The following DNAAF9 variants were observed in gnomAD, a reference collection of about 807,000 sequenced individuals.
The protein encoded by DNAAF9 is dynein axonemal assembly factor 9.
A neutral mutation model predicts 167.0 loss-of-function variants in DNAAF9; 90 were observed. The ratio of observed to expected loss-of-function variants is 0.54; its 90% CI spans 0.45 to 0.64. The LOEUF (loss-of-function observed/expected upper bound fraction) is 0.64. DNAAF9 is among the 30% of genes least tolerant of loss of function. The pLI is 0.00. For missense variants in DNAAF9, 1,315 were observed against 1,442.2 expected (o/e 0.91, Z 1.43); for synonymous variants, 491 against 508.8 (o/e 0.96, Z 0.47).
intron 16 of DNAAF9, 145 bp downstream of exon 16, chr20:3,322,071 GC>G (rs1041148002): frequency 7.8e-6 from 5 of 637,982 alleles, no homozygotes; most frequent in African/African-American, 1.8e-5. Flanking sequence ...GCTCACCCCT[GC>G]TATGGCTGGG....
intron 14 of DNAAF9, among the ~76,000 whole-genome samples, chr20:3,323,906 T>A (rs2069664868): frequency 6.6e-6 from 1 of 152,194 alleles, no homozygotes; most frequent in Non-Finnish European, 1.5e-5. Flanking sequence ...ATACAGACAG[T>A]TCCTATCTTG....
chr20:3,296,223 C>T (rs1280499976), intron 23 of DNAAF9: 5 of 515,136 alleles, frequency 9.7e-6, no homozygotes, highest in African/African-American at 1.9e-5. Context: ...GAGCCAGGAC[C>T]GCACCACTGC....
Position 3,316,722 on chromosome 20 carries a change from C to T in DNAAF9, c.1539+1G>A. 2 of 1,611,458 alleles carry T rather than the reference C, an allele frequency of 1.2e-6. No individual in the cohort carries two copies. The highest frequency in any genetic ancestry group is 2.7e-5 in the African/African-American group (2 of 74,958). On this transcript the variant is annotated splice_donor_variant, in intron 18 of 36. Coordinates refer to ENST00000252032, the MANE Select transcript of DNAAF9 (RefSeq NM_001009984.3). LOFTEE classifies it high-confidence loss of function. Reference sequence around the variant, plus strand: ...ACTTCCACCTGATGAATGACACTAACCAGCCAGGAGCAGAATCTGGGTACA... The same window carrying T: ...ACTTCCACCTGATGAATGACACTAATCAGCCAGGAGCAGAATCTGGGTACA...
At chr20:3,281,837 G>C in intron 27 of DNAAF9, 71 bp from the exon 28 acceptor site, 1 of 1,494,010 alleles carries the variant, frequency 6.7e-7, no homozygotes, top group Non-Finnish European at 9.1e-7. Context: ...GGGGAATCCC[G>C]AATGGCTGAT....
In DNAAF9 at chr20:3,251,443, C is replaced by T. The variant is rs1476590912; in HGVS notation, c.*1129G>A. 6.6e-6 allele frequency: 1 copy of T among 152,234 alleles called. No individual in the cohort carries two copies. Among genetic ancestry groups the T allele is most frequent in the Non-Finnish European group, 1.5e-5 (1 of 68,056 alleles). 9.4% of individuals were successfully genotyped at this position (152,234 alleles called of 1,614,324 possible). A position where few individuals can be genotyped will look rare whatever the true frequency, so the allele number is the denominator to read the frequency against. Reference sequence around the variant, plus strand: ...CTAAATATCAGTGGCTGTGACTCCCCTGTCCCCCACACCAATTATGAAGGT... The same window carrying T: ...CTAAATATCAGTGGCTGTGACTCCCTTGTCCCCCACACCAATTATGAAGGT... On this transcript the variant is annotated 3_prime_UTR_variant, in exon 37 of 37. Coordinates refer to ENST00000252032, the MANE Select transcript of DNAAF9 (RefSeq NM_001009984.3).
intron 5 of DNAAF9, 64 bp from the exon 6 acceptor site, chr20:3,374,218 A>T: frequency 1.8e-6 from 2 of 1,115,280 alleles, no homozygotes; most frequent in Non-Finnish European, 2.7e-6. Flanking sequence ...TCTAAACCTG[A>T]CCTAACATGG....
intron 7 of DNAAF9, among the ~76,000 whole-genome samples, chr20:3,358,515 C>G (rs2083318893): frequency 6.6e-6 from 1 of 152,054 alleles, no homozygotes; most frequent in Non-Finnish European, 1.5e-5. Flanking sequence ...TACTCCTGAC[C>G]TCAGGTGATC....
chr20:3,328,658 A>G (rs1407165164), intron 12 of DNAAF9, among the ~76,000 whole-genome samples: 2 of 152,176 alleles, frequency 1.3e-5, no homozygotes, highest in East Asian at 3.8e-4. Flanking sequence ...ACAGTGGCTA[A>G]GCAGCGCTGG....
At chr20:3,361,989 T>C in intron 6 of DNAAF9, 1 of 1,528,172 alleles carries the variant, frequency 6.5e-7, no homozygotes, top group Admixed American at 1.7e-5. Context: ...ATATGAATTC[T>C]GCCATTTTGC....
intron 6 of DNAAF9, among the ~76,000 whole-genome samples, chr20:3,368,337 G>A (rs1051657013): frequency 2.6e-5 from 4 of 152,020 alleles, no homozygotes; most frequent in Non-Finnish European, 5.9e-5. Flanking sequence ...GATTGTTTCC[G>A]TCTCTCAGGG....
intron 29 of DNAAF9, among the ~76,000 whole-genome samples, chr20:3,274,627 C>G (rs1261750003): frequency 1.3e-5 from 2 of 152,126 alleles, no homozygotes. Flanking sequence ...AGATGGGAAC[C>G]GTAACACATC....
chr20:3,284,598 AC>A (rs2068819967), intron 27 of DNAAF9, among the ~76,000 whole-genome samples: 1 of 152,210 alleles, frequency 6.6e-6, no homozygotes, highest in African/African-American at 2.4e-5. Flanking sequence ...TAAAAACTAA[AC>A]AAAAACCCAG....
At chr20:3,400,065 T>C (rs780089846) in intron 1 of DNAAF9, among the ~76,000 whole-genome samples, 7 of 152,248 alleles carry the variant, frequency 4.6e-5, no homozygotes, top group Non-Finnish European at 8.8e-5. Flanking sequence ...CTGAAGTTTG[T>C]TCACTATATT....
intron 1 of DNAAF9, among the ~76,000 whole-genome samples, chr20:3,388,928 T>G (rs150815156): frequency 0.02 from 3,044 of 152,296 alleles, 53 homozygotes; most frequent in Non-Finnish European, 0.032. Flanking sequence ...CACTTAGAAG[T>G]AGTTAAAATG....
At chr20:3,304,663 C>T (rs544628426) in intron 20 of DNAAF9, 120 bp from the exon 21 acceptor site, 24 of 623,008 alleles carry the variant, frequency 3.9e-5, no homozygotes, top group Admixed American at 3.1e-4. Flanking sequence ...TTACGTTATG[C>T]GATTTGTATG....
At chr20:3,305,303 C>G (rs1000446190) in intron 20 of DNAAF9, among the ~76,000 whole-genome samples, 2 of 152,162 alleles carry the variant, frequency 1.3e-5, no homozygotes, top group African/African-American at 4.8e-5. Context: ...AAGCAGCACC[C>G]AAAGCACCCA....
intron 33 of DNAAF9, among the ~76,000 whole-genome samples, chr20:3,258,428 G>A (rs2068320689): frequency 1.3e-5 from 2 of 152,208 alleles, no homozygotes; most frequent in African/African-American, 2.4e-5. Context: ...GATAGCTGCC[G>A]ACCCCCCATA....
At chr20:3,278,780 T>C (rs1228909039) in intron 29 of DNAAF9, 132 bp downstream of exon 29, 8 of 774,214 alleles carry the variant, frequency 1.0e-5, no homozygotes, top group Non-Finnish European at 1.9e-5. Flanking sequence ...AGTAAAGGTG[T>C]CAAAGTTTTT....
At position 3,258,768 on chromosome 20, in the gene DNAAF9, C is replaced by T. The variant is rs562753561; in HGVS notation, c.3055+712G>A. ...GCCTCACTTGTTATACAGCCAACAC[C>T]TGCTAGCTGAGTGGGGGTTCTCTGT... On this transcript the variant is annotated intron_variant, in intron 33 of 36. Coordinates refer to ENST00000252032, the MANE Select transcript of DNAAF9 (RefSeq NM_001009984.3). 4.6e-5 allele frequency among the ~76,000 whole-genome samples: 7 copies of T among 152,220 alleles called. No individual in the cohort carries two copies. In the East Asian group the frequency reaches 1.2e-3, roughly 25 times the overall value.
Sources: allele counts gnomAD v4.1 joint callset (sites outside exome capture counted in the v4.1 genomes callset), GRCh38; gene constraint gnomAD v4.1.1; transcripts MANE v1.5; gene names NCBI Gene and HGNC (gene_info 2026-07-23, HGNC 2026-07-21).